The following EXOSC10 variants were observed in gnomAD, a reference collection of about 807,000 sequenced individuals.
The protein encoded by EXOSC10 is exosome complex component 10.
Under a neutral mutation model 126.6 loss-of-function variants are expected in EXOSC10, and 94 were observed. That is an observed-to-expected ratio of 0.74 (90% CI 0.63 to 0.88). EXOSC10 has a LOEUF of 0.88. Among genes scored for constraint, EXOSC10 ranks in the 40% least tolerant of loss-of-function variants. The probability of loss-of-function intolerance (pLI) is 0.00; values close to 1 mark genes in which losing one functional copy is unlikely to be tolerated. For synonymous variants in EXOSC10, 395 were observed against 400.8 expected (o/e 0.99, Z 0.17); for missense variants, 1,041 against 1,100.5 (o/e 0.95, Z 0.77).
chr1:11,088,054 A>C, intron 7 of EXOSC10, 69 bp downstream of exon 7: 6 of 1,373,920 alleles, frequency 4.4e-6, no homozygotes, highest in Non-Finnish European at 6.1e-6. Flanking sequence ...AAATTGCATC[A>C]ATGAATCTAC....
Position 11,098,119 on chromosome 1 carries a change from G to GT in EXOSC10, c.148_149insA (p.Ser50TyrfsTer10). On this transcript the variant is annotated frameshift_variant, in exon 2 of 25. Transcript: ENST00000376936. LOFTEE classifies it high-confidence loss of function. The stretch of plus-strand genomic sequence containing the variant: ...ATCGCCAAACTGTGGTAGGCCCCCA[G>GT]ATGCCTTGGTGACTGCCACCACGGA... 1 of 1,612,498 alleles carries GT rather than the reference G, an allele frequency of 6.2e-7. No homozygotes were observed. Among genetic ancestry groups the GT allele is most frequent in the Non-Finnish European group, 8.5e-7 (1 of 1,179,594 alleles).
At chr1:11,077,038 C>T in intron 16 of EXOSC10, 90 bp from the exon 17 acceptor site, 3 of 950,590 alleles carry the variant, frequency 3.2e-6, no homozygotes, top group Non-Finnish European at 4.9e-6. Context: ...GTCCCCTAGG[C>T]TGGAGTACAA....
chr1:11,079,759 G>A lies in EXOSC10; in HGVS notation c.1701C>T (p.Asn567=), dbSNP rs745486673. The part of the protein sequence containing the change: ...PVPPLVRQQI[N]EMHLLIQQAR... ...CCTGCTGGATTAAAAGGTGCATTTCGTTGATCTGCTGCCGCACAAGGGGCG... is the reference window on the plus strand; with the variant it reads ...CCTGCTGGATTAAAAGGTGCATTTCATTGATCTGCTGCCGCACAAGGGGCG... Residue 567 remains asparagine, a synonymous_variant, in exon 14 of 25, where the codon AAC becomes AAT. Transcript: ENST00000376936. The A allele has an allele frequency of 1.4e-5, 22 of 1,613,964 alleles. No homozygotes were observed. The highest frequency in any genetic ancestry group is 1.6e-4 in the Middle Eastern group (1 of 6,062).
chr1:11,075,620 C>A (rs1037273100), intron 17 of EXOSC10, among the ~76,000 whole-genome samples: 9 of 152,082 alleles, frequency 5.9e-5, no homozygotes, highest in Non-Finnish European at 1.2e-4. Context: ...AAGGCCCAAT[C>A]TAGATTTATG....
intron 17 of EXOSC10, 84 bp downstream of exon 17, chr1:11,076,758 T>C (rs72870088): frequency 0.048 from 50,414 of 1,059,306 alleles, 2,322 homozygotes; most frequent in African/African-American, 0.14. Flanking sequence ...GTGTATGCAA[T>C]GCTCCAGGCA....
In EXOSC10 at chr1:11,070,988, A is replaced by G; in HGVS notation, c.2243-15T>C. The G allele has an allele frequency of 6.2e-7, 1 of 1,612,768 alleles. No individual in the cohort carries two copies. Among genetic ancestry groups the G allele is most frequent in the Non-Finnish European group, 8.5e-7 (1 of 1,179,404 alleles). ...TTCCCGGGCAGCTGCAAGGGAGAGA[A>G]CTTGTCTCTGGAGTTGGTGAATCCA... On this transcript the variant is annotated splice_polypyrimidine_tract_variant and intron_variant, in intron 20 of 24. Coordinates refer to ENST00000376936, the MANE Select transcript of EXOSC10 (RefSeq NM_001001998.3).
intron 6 of EXOSC10, among the ~76,000 whole-genome samples, chr1:11,089,893 G>A (rs758179128): frequency 3.0e-4 from 45 of 152,072 alleles, no homozygotes; most frequent in South Asian, 4.1e-4. Flanking sequence ...GTAGTGAGCT[G>A]TGTTCATGCC....
chr1:11,074,461 G>T (rs939989396), intron 17 of EXOSC10, 135 bp from the exon 18 acceptor site: 85 of 617,084 alleles, frequency 1.4e-4, no homozygotes, highest in Non-Finnish European at 2.2e-4. Flanking sequence ...TGCCCAGGCT[G>T]GAGTACAGTG....
chr1:11,090,499 T>C, intron 6 of EXOSC10, 55 bp downstream of exon 6: 1 of 1,408,466 alleles, frequency 7.1e-7, no homozygotes, highest in Non-Finnish European at 1.0e-6. Flanking sequence ...AAAGTGAAAA[T>C]GTGGCAAAAA....
intron 10 of EXOSC10, among the ~76,000 whole-genome samples, chr1:11,081,630 G>T (rs1381502124): frequency 6.6e-6 from 1 of 152,200 alleles, no homozygotes; most frequent in African/African-American, 2.4e-5. Context: ...ATAGGCTGTT[G>T]TGAGGACTAC....
chr1:11,084,232 A>G (rs927382691), intron 9 of EXOSC10, among the ~76,000 whole-genome samples: 3 of 152,208 alleles, frequency 2.0e-5, no homozygotes, highest in African/African-American at 7.2e-5. Context: ...GAACTAGTTT[A>G]CAGTCCCACC....
chr1:11,081,614 T>G (rs1037176912), intron 10 of EXOSC10, among the ~76,000 whole-genome samples: 5 of 152,192 alleles, frequency 3.3e-5, no homozygotes, highest in Admixed American at 2.0e-4. Context: ...GGGAACCAGG[T>G]ACTTCATAGG....
Position 11,068,092 on chromosome 1 carries a change from G to A in EXOSC10, c.2551-8C>T. The A allele has an allele frequency of 1.2e-6, 2 of 1,613,770 alleles. No individual in the cohort carries two copies. Among genetic ancestry groups the A allele is most frequent in the Non-Finnish European group, 1.7e-6 (2 of 1,179,714 alleles). On this transcript the variant is annotated splice_region_variant and splice_polypyrimidine_tract_variant and intron_variant, in intron 23 of 24. Transcript: ENST00000376936. ...TTTGGCTGCAATGCATTTCTGAAAA[G>A]AAAAGAAACCGTTTAAGCTGGGTGG... is the stretch of plus-strand genomic sequence containing the variant.
At chr1:11,086,354 G>A (rs1385947993) in intron 9 of EXOSC10, among the ~76,000 whole-genome samples, 1 of 152,214 alleles carries the variant, frequency 6.6e-6, no homozygotes, top group Admixed American at 6.5e-5. Flanking sequence ...TCTTGGAAGA[G>A]TGTATGTGTC....
At chr1:11,085,005 G>C (rs1202098893) in intron 9 of EXOSC10, among the ~76,000 whole-genome samples, 1 of 152,164 alleles carries the variant, frequency 6.6e-6, no homozygotes, top group Non-Finnish European at 1.5e-5. Flanking sequence ...TTTGGTACCA[G>C]TACCATGCTG....
chr1:11,093,518 G>A (rs1406014280), intron 3 of EXOSC10, among the ~76,000 whole-genome samples: 1 of 152,144 alleles, frequency 6.6e-6, no homozygotes, highest in Non-Finnish European at 1.5e-5. Flanking sequence ...GGACAGGAGG[G>A]CATGATTTAA....
intron 9 of EXOSC10, among the ~76,000 whole-genome samples, chr1:11,086,695 T>C (rs1194256528): frequency 1.3e-5 from 2 of 152,116 alleles, no homozygotes; most frequent in Non-Finnish European, 2.9e-5. Context: ...ACATGGAAAC[T>C]GAACAACCTG....
chr1:11,089,382 G>A (rs1034560174), intron 6 of EXOSC10, among the ~76,000 whole-genome samples: 1 of 151,766 alleles, frequency 6.6e-6, no homozygotes, highest in Non-Finnish European at 1.5e-5. Flanking sequence ...GGCCAAGGAG[G>A]GTGGATCAAC....
chr1:11,098,272 C>A (rs985755968), intron 1 of EXOSC10, 116 bp from the exon 2 acceptor site: 7 of 1,288,118 alleles, frequency 5.4e-6, no homozygotes, highest in Non-Finnish European at 5.1e-6. Context: ...AAAAAAAGCA[C>A]TCATTTAGTG....
Sources: allele counts gnomAD v4.1 joint callset (sites outside exome capture counted in the v4.1 genomes callset), GRCh38; gene constraint gnomAD v4.1.1; transcripts MANE v1.5; gene names NCBI Gene and HGNC (gene_info 2026-07-23, HGNC 2026-07-21).